TRIP12: variants seen among roughly 807,000 people sequenced by gnomAD.
TRIP12 encodes the protein thyroid hormone receptor interactor 12.
Under a neutral mutation model 244.2 loss-of-function variants are expected in TRIP12, and 25 were observed. That is an observed-to-expected ratio of 0.10 (90% CI 0.07 to 0.14). The LOEUF is 0.14. Among genes scored for constraint, TRIP12 ranks in the 10% least tolerant of loss-of-function variants. TRIP12 has a pLI of 1.00. For missense variants in TRIP12, 1,677 were observed against 2,486.4 expected (o/e 0.67, Z 6.92); for synonymous variants, 905 against 873.1 (o/e 1.04, Z -0.64).
At chr2:229,918,773 C>G (rs2075967082) in intron 1 of TRIP12, among the ~76,000 whole-genome samples, 1 of 152,168 alleles carries the variant, frequency 6.6e-6, no homozygotes, top group African/African-American at 2.4e-5. Context: ...TCCCCTGCCC[C>G]ATGGACCACC....
At chr2:229,788,711 A>G in intron 32 of TRIP12, 87 bp downstream of exon 32, 1 of 1,503,348 alleles carries the variant, frequency 6.7e-7, no homozygotes, top group Non-Finnish European at 9.0e-7. Flanking sequence ...GACTAGGTCC[A>G]GTAAAGACAA....
chr2:229,767,021 A>C lies in TRIP12; in HGVS notation c.*533T>G, dbSNP rs183568767. 4.6e-5 allele frequency: 7 copies of C among 152,406 alleles called. No individual in the cohort carries two copies. In the East Asian group the frequency reaches 7.7e-4, roughly 17 times the overall value. 9.4% of individuals were successfully genotyped at this position (152,406 alleles called of 1,614,324 possible). On this transcript the variant is annotated 3_prime_UTR_variant, in exon 42 of 42. Transcript: ENST00000675903. ...ACTGTGAGTTGTATACAAAAAAAAA[A>C]CTGTGAGCTGCACAGATAATAATGA... is the stretch of plus-strand genomic sequence containing the variant.
chr2:229,853,938 GTATTAA>G (rs992127245), intron 4 of TRIP12, among the ~76,000 whole-genome samples: 170 of 152,222 alleles, frequency 1.1e-3, no homozygotes, highest in African/African-American at 3.7e-3. Flanking sequence ...CAATGTACAT[GTATTAA>G]TATTGACATT....
chr2:229,918,208 C>T (rs909455563), intron 1 of TRIP12, among the ~76,000 whole-genome samples: 1 of 152,174 alleles, frequency 6.6e-6, no homozygotes, highest in African/African-American at 2.4e-5. Flanking sequence ...CCTTTATCTT[C>T]TATGTTTTTC....
chr2:229,813,770 C>A (rs559275503), intron 13 of TRIP12, 100 bp downstream of exon 13: 1 of 864,416 alleles, frequency 1.2e-6, no homozygotes, highest in Admixed American at 4.7e-5. Flanking sequence ...GGTAACAGAG[C>A]GAGACTCCCA....
chr2:229,869,102 A>C (rs1430897965), intron 2 of TRIP12, among the ~76,000 whole-genome samples: 1 of 152,244 alleles, frequency 6.6e-6, no homozygotes, highest in Non-Finnish European at 1.5e-5. Context: ...CTGGACAGAC[A>C]ACCTTTTTAG....
intron 1 of TRIP12, among the ~76,000 whole-genome samples, chr2:229,899,347 C>T (rs1358743994): frequency 6.6e-6 from 1 of 152,080 alleles, no homozygotes; most frequent in Non-Finnish European, 1.5e-5. Flanking sequence ...AGTGTTAGAA[C>T]AGTTAAGGTT....
chr2:229,901,555 G>A (rs538672690), intron 1 of TRIP12, among the ~76,000 whole-genome samples: 6 of 151,460 alleles, frequency 4.0e-5, no homozygotes, highest in Non-Finnish European at 7.4e-5. Flanking sequence ...CCTGGGTGGT[G>A]GAGGTTGCAG....
chr2:229,823,276 C>T (rs1172178657), intron 8 of TRIP12, among the ~76,000 whole-genome samples: 1 of 152,128 alleles, frequency 6.6e-6, no homozygotes, highest in Non-Finnish European at 1.5e-5. Context: ...CACTTAAACC[C>T]TATATAGTCA....
chr2:229,849,864 T>C (rs973575493), intron 4 of TRIP12, among the ~76,000 whole-genome samples: 1 of 151,322 alleles, frequency 6.6e-6, no homozygotes, highest in Non-Finnish European at 1.5e-5. Flanking sequence ...AGGTCTTATA[T>C]AACTCTTTCA....
chr2:229,899,422 T>C (rs1381909571), intron 1 of TRIP12, among the ~76,000 whole-genome samples: 2 of 152,172 alleles, frequency 1.3e-5, no homozygotes, highest in African/African-American at 4.8e-5. Context: ...TAGACCAAGA[T>C]TCTACCCTGT....
chr2:229,919,869 G>C (rs903379616), intron 1 of TRIP12, among the ~76,000 whole-genome samples: 16 of 152,164 alleles, frequency 1.1e-4, no homozygotes, highest in African/African-American at 2.9e-4. Flanking sequence ...ATCTCACAAA[G>C]ATAGTCACAG....
In TRIP12 at chr2:229,840,811, A is replaced by AC. The variant is rs757245945; in HGVS notation, c.1133+10_1133+11insG. 4 of 1,556,516 alleles carry AC rather than the reference A, an allele frequency of 2.6e-6. No homozygotes were observed. Among genetic ancestry groups the AC allele is most frequent in the Middle Eastern group, 1.7e-4 (1 of 5,806 alleles). On this transcript the variant is annotated intron_variant, in intron 5 of 41. Transcript: ENST00000675903. The stretch of plus-strand genomic sequence containing the variant: ...AAATGAACTCACTATAAAAAAAAAA[A>AC]AACAAATTACCTGGTACTAGCACAG...
chr2:229,792,269 T>G (rs1199583010), intron 27 of TRIP12, 43 bp from the exon 28 acceptor site: 1 of 1,571,752 alleles, frequency 6.4e-7, no homozygotes. Context: ...CGATTTTAGG[T>G]GTAAAAAAAA....
intron 17 of TRIP12, among the ~76,000 whole-genome samples, chr2:229,806,355 C>CT (rs5839348): frequency 0.058 from 8,839 of 152,202 alleles, 860 homozygotes; most frequent in African/African-American, 0.2. Flanking sequence ...ACAAAGATAA[C>CT]TTTAAGACTG....
At chr2:229,819,068 ACACACACACACACACAC>A (rs1312353030) in intron 8 of TRIP12, among the ~76,000 whole-genome samples, 9 of 147,610 alleles carry the variant, frequency 6.1e-5, no homozygotes, top group Non-Finnish European at 1.1e-4. Context: ...ACACACACAC[ACACACACACACACACAC>A]AATTATAAAC....
rs535918781 is a variant in TRIP12 at position 229,789,256 on chromosome 2, T to G, written c.4696-316A>C. On this transcript the variant is annotated intron_variant, in intron 31 of 41. Coordinates refer to ENST00000675903, the MANE Select transcript of TRIP12 (RefSeq NM_001348323.3). The stretch of plus-strand genomic sequence containing the variant: ...TTCCTTTACTCTTCTCTATGCTATA[T>G]AAATATCAAAGGCAGCATGCAACTT... Among the ~76,000 whole-genome samples, 9 of 152,368 alleles carry G rather than the reference T, an allele frequency of 5.9e-5. 1 individual carries two copies. Among genetic ancestry groups the G allele is most frequent in the African/African-American group, 2.2e-4 (9 of 41,586 alleles).
At chr2:229,850,497 G>GC (rs1311250721) in intron 4 of TRIP12, among the ~76,000 whole-genome samples, 11 of 152,130 alleles carry the variant, frequency 7.2e-5, no homozygotes, top group African/African-American at 2.7e-4. Context: ...CCTTTTTCAC[G>GC]CAAGTAGAGA....
chr2:229,824,286 T>C (rs777642321), intron 8 of TRIP12, among the ~76,000 whole-genome samples: 2 of 152,138 alleles, frequency 1.3e-5, no homozygotes, highest in Non-Finnish European at 2.9e-5. Flanking sequence ...AGAGAAACAA[T>C]GAATTTTGGT....
Sources: allele counts gnomAD v4.1 joint callset (sites outside exome capture counted in the v4.1 genomes callset), GRCh38; gene constraint gnomAD v4.1.1; transcripts MANE v1.5; gene names NCBI Gene and HGNC (gene_info 2026-07-23, HGNC 2026-07-21).